The following SDCCAG8 variants were observed in gnomAD, a reference collection of about 807,000 sequenced individuals.
SDCCAG8 encodes SHH signaling and ciliogenesis regulator SDCCAG8, also known as serologically defined colon cancer antigen 8.
Under a neutral mutation model 101.8 loss-of-function variants are expected in SDCCAG8, and 74 were observed. The ratio of observed to expected loss-of-function variants is 0.73; its 90% CI spans 0.60 to 0.88. SDCCAG8 has a LOEUF of 0.88. Ranked by LOEUF, SDCCAG8 falls within the 40% of genes least tolerant of loss-of-function variation. The pLI, the probability that SDCCAG8 is intolerant of heterozygous loss-of-function variation, is 0.00. For missense variants in SDCCAG8, 787 were observed against 822.6 expected, an observed-to-expected ratio of 0.96 and a Z score of 0.53; for synonymous variants, 281 against 292.9, an observed-to-expected ratio of 0.96 and a Z score of 0.41.
intron 16 of SDCCAG8, among the ~76,000 whole-genome samples, chr1:243,454,960 A>G (rs571676307): frequency 1.3e-5 from 2 of 152,326 alleles, no homozygotes; most frequent in East Asian, 3.9e-4. Context: ...GACAAAATGA[A>G]TAGATCCACC....
At chr1:243,298,408 A>C (rs1483930061) in intron 6 of SDCCAG8, among the ~76,000 whole-genome samples, 1 of 127,538 alleles carries the variant, frequency 7.8e-6, no homozygotes, top group Non-Finnish European at 1.6e-5. Flanking sequence ...CCCAGGCTAG[A>C]GTGCAATGGC....
At chr1:243,324,459 CTTTTTTT>C (rs34446782) in intron 9 of SDCCAG8, among the ~76,000 whole-genome samples, 1 of 87,014 alleles carries the variant, frequency 1.1e-5, no homozygotes, top group South Asian at 4.3e-4. Context: ...TCTTCACATG[CTTTTTTT>C]TTTTTTTTTT....
intron 8 of SDCCAG8, among the ~76,000 whole-genome samples, chr1:243,314,345 G>A (rs563142422): frequency 1.3e-5 from 2 of 152,272 alleles, no homozygotes; most frequent in South Asian, 4.2e-4. Flanking sequence ...AATTTTCTGT[G>A]GTTCCATAGT....
At chr1:243,364,895 GT>G (rs1484952420) in intron 12 of SDCCAG8, among the ~76,000 whole-genome samples, 1 of 152,008 alleles carries the variant, frequency 6.6e-6, no homozygotes, top group Non-Finnish European at 1.5e-5. Flanking sequence ...TCTTACATTT[GT>G]TCTAGTTGTC....
intron 17 of SDCCAG8, 35 bp downstream of exon 17, chr1:243,489,175 TG>T (rs1665759439): frequency 5.0e-6 from 8 of 1,607,084 alleles, no homozygotes; most frequent in Non-Finnish European, 6.8e-6. Context: ...TGGGAGTCCT[TG>T]GGCGGGCGTC....
intron 10 of SDCCAG8, chr1:243,339,024 A>G (rs1268070681): frequency 6.5e-6 from 1 of 154,420 alleles, no homozygotes; most frequent in African/African-American, 2.5e-5. Context: ...GCAGACAGCT[A>G]GTGGGCAGAG....
intron 12 of SDCCAG8, among the ~76,000 whole-genome samples, chr1:243,360,699 A>G (rs965454845): frequency 6.6e-6 from 1 of 151,894 alleles, no homozygotes; most frequent in Non-Finnish European, 1.5e-5. Context: ...GCAGGTGCCT[A>G]TAGTCCCAGC....
chr1:243,261,406 G>A (rs2067183161), intron 1 of SDCCAG8, among the ~76,000 whole-genome samples: 1 of 152,208 alleles, frequency 6.6e-6, no homozygotes, highest in South Asian at 2.1e-4. Flanking sequence ...GAAAGTGAGA[G>A]GATGAATATG....
rs147654823 is a variant in SDCCAG8 at position 243,276,121 on chromosome 1, C to A, written c.420+1465C>A. 2.3e-3 allele frequency among the ~76,000 whole-genome samples: 349 copies of A among 152,156 alleles called. 1 individual carries two copies. The highest frequency in any genetic ancestry group is 8.2e-3 in the African/African-American group (342 of 41,516). On this transcript the variant is annotated intron_variant, in intron 4 of 17. Coordinates refer to ENST00000366541, the MANE Select transcript of SDCCAG8 (RefSeq NM_006642.5). The stretch of plus-strand genomic sequence containing the variant: ...TCGTGATCCGTCCGCCTTGGTCTCC[C>A]AAAGTGCTGGAATTACCGGTATGAG...
chr1:243,480,390 GGATA>G (rs199955217), intron 16 of SDCCAG8, among the ~76,000 whole-genome samples: 3 of 53,450 alleles, frequency 5.6e-5, no homozygotes, highest in Non-Finnish European at 7.5e-5. Flanking sequence ...ATGGATGGAT[GGATA>G]GGTGGGATGG....
At chr1:243,327,634 G>A (rs1338064326) in intron 9 of SDCCAG8, among the ~76,000 whole-genome samples, 1 of 151,814 alleles carries the variant, frequency 6.6e-6, no homozygotes, top group African/African-American at 2.4e-5. Flanking sequence ...TGGTTATAGG[G>A]GTACTCAATC....
chr1:243,438,445 T>C (rs2082297479), intron 16 of SDCCAG8, among the ~76,000 whole-genome samples: 1 of 152,216 alleles, frequency 6.6e-6, no homozygotes, highest in Non-Finnish European at 1.5e-5. Context: ...ACCTCAGCTC[T>C]CTGATTGGCT....
chr1:243,373,457 C>A (rs1366702516), intron 12 of SDCCAG8, among the ~76,000 whole-genome samples: 1 of 152,022 alleles, frequency 6.6e-6, no homozygotes, highest in African/African-American at 2.4e-5. Flanking sequence ...TATGAGTCTG[C>A]AGGTCAGGTA....
intron 16 of SDCCAG8, among the ~76,000 whole-genome samples, chr1:243,429,086 A>G (rs1393956317): frequency 6.6e-6 from 1 of 152,202 alleles, no homozygotes; most frequent in Non-Finnish European, 1.5e-5. Context: ...AAGCAGAGAA[A>G]AGTCATGACG....
At chr1:243,381,680 G>A (rs2077966717) in intron 13 of SDCCAG8, among the ~76,000 whole-genome samples, 1 of 152,094 alleles carries the variant, frequency 6.6e-6, no homozygotes, top group Non-Finnish European at 1.5e-5. Flanking sequence ...AATATTTACT[G>A]AGCACCTACT....
intron 12 of SDCCAG8, among the ~76,000 whole-genome samples, chr1:243,353,967 G>A (rs971539796): frequency 1.2e-4 from 18 of 152,136 alleles, no homozygotes; most frequent in African/African-American, 3.9e-4. Flanking sequence ...TAGAAATAAA[G>A]AATTGACAAT....
chr1:243,412,816 T>C (rs1298407256), intron 13 of SDCCAG8, among the ~76,000 whole-genome samples: 1 of 149,330 alleles, frequency 6.7e-6, no homozygotes, highest in Non-Finnish European at 1.5e-5. Flanking sequence ...TTCAAATTCT[T>C]TGTGACCCTT....
chr1:243,410,545 A>T (rs1009381913), intron 13 of SDCCAG8, among the ~76,000 whole-genome samples: 2 of 152,166 alleles, frequency 1.3e-5, no homozygotes, highest in African/African-American at 4.8e-5. Flanking sequence ...TCACATTGGA[A>T]CTTCAGACAT....
At chr1:243,402,193 C>T (rs765242623) in intron 13 of SDCCAG8, among the ~76,000 whole-genome samples, 4 of 151,922 alleles carry the variant, frequency 2.6e-5, no homozygotes, top group Admixed American at 6.6e-5. Context: ...TTTAGGAGGC[C>T]GAGGTGGGCA....
Sources: gnomAD v4.1 joint callset for allele counts (sites outside exome capture counted in the v4.1 genomes callset) on GRCh38, gnomAD v4.1.1 for gene constraint, MANE v1.5 for transcripts, NCBI Gene and HGNC (gene_info 2026-07-23, HGNC 2026-07-21) for gene names.